TMEM50B: variants seen among roughly 807,000 people sequenced by gnomAD.
TMEM50B encodes the protein HCV p7-trans-regulated protein 3.
In TMEM50B, 14 loss-of-function variants were observed where a neutral mutation model predicts 23.4. That is an observed-to-expected ratio of 0.60 (90% CI 0.39 to 0.93). The LOEUF (loss-of-function observed/expected upper bound fraction) is 0.93, where lower values mean the gene tolerates loss of function less well. Ranked by LOEUF, TMEM50B falls within the 40% of genes least tolerant of loss-of-function variation. The pLI is 0.00. For missense variants in TMEM50B, 159 were observed against 193.0 expected, an observed-to-expected ratio of 0.82 and a Z score of 1.04; for synonymous variants, 64 against 62.3, an observed-to-expected ratio of 1.03 and a Z score of -0.13.
Position 33,451,016 on chromosome 21 carries a change from C to T in TMEM50B, c.432-153G>A, listed in dbSNP as rs531652388. Among the ~76,000 whole-genome samples the T allele has an allele frequency of 3.2e-4, 48 of 152,236 alleles. 1 individual carries two copies. In the South Asian group the frequency reaches 9.7e-3, roughly 31 times the overall value. The stretch of plus-strand genomic sequence containing the variant: ...TCATGGCAGTGTTGGTCTTAATTTG[C>T]TTATTTTGTAAAGCAGTCTGTTAAC... On this transcript the variant is annotated intron_variant, in intron 6 of 6. Transcript: ENST00000542230.
chr21:33,465,566 T>C (rs1368677537), intron 3 of TMEM50B, among the ~76,000 whole-genome samples, 157 bp from the exon 4 acceptor site: 2 of 152,254 alleles, frequency 1.3e-5, no homozygotes, highest in African/African-American at 2.4e-5. Flanking sequence ...TGCTAGTTGA[T>C]AGAAATGTTA....
chr21:33,446,791 T>C (rs112863191), downstream of TMEM50B, among the ~76,000 whole-genome samples: 1 of 151,804 alleles, frequency 6.6e-6, no homozygotes, highest in African/African-American at 2.4e-5. Context: ...GGAGGATCAC[T>C]TGAGCTCAGG....
rs1303386153 is a variant in TMEM50B at position 33,450,147 on chromosome 21, G to A, written c.*671C>T. On this transcript the variant is annotated 3_prime_UTR_variant, in exon 7 of 7. Coordinates refer to ENST00000542230, the MANE Select transcript of TMEM50B (RefSeq NM_006134.7). ...CTTTTATGGCTCAGTGCTCATTCTA[G>A]ATATATGAAGCTATATTTTTTTGTA... 1 of 152,010 alleles carries A rather than the reference G, an allele frequency of 6.6e-6. No individual in the cohort carries two copies. The highest frequency in any genetic ancestry group is 1.5e-5 in the Non-Finnish European group (1 of 68,010). The allele number at this position is 152,010 out of a possible 1,614,324, so 9.4% of individuals were successfully genotyped here.
intron 7 of TMEM50B, among the ~76,000 whole-genome samples, chr21:33,442,953 GCAC>G (rs1047398766): frequency 6.6e-6 from 1 of 151,558 alleles, no homozygotes; most frequent in Non-Finnish European, 1.5e-5. Context: ...AAAACAAAAA[GCAC>G]AACATATGAT....
intron 7 of TMEM50B, among the ~76,000 whole-genome samples, chr21:33,439,684 A>C (rs764728942): frequency 1.3e-4 from 19 of 151,592 alleles, no homozygotes; most frequent in Non-Finnish European, 2.8e-4. Context: ...CCAGCCTTAA[A>C]TAGTATTTTC....
intron 1 of TMEM50B, among the ~76,000 whole-genome samples, chr21:33,473,648 T>C (rs1175532270): frequency 2.3e-5 from 3 of 131,912 alleles, no homozygotes; most frequent in Non-Finnish European, 5.2e-5. Context: ...CAGTGAGACC[T>C]TGTCTCAAAA....
intron 5 of TMEM50B, among the ~76,000 whole-genome samples, chr21:33,457,377 C>T (rs946762855): frequency 4.0e-5 from 6 of 151,092 alleles, no homozygotes; most frequent in Admixed American, 1.3e-4. Flanking sequence ...TGGCTGGGAG[C>T]GGTGGTTCAT....
At chr21:33,460,545 C>T in intron 4 of TMEM50B, 40 bp from the exon 5 acceptor site, 1 of 1,340,790 alleles carries the variant, frequency 7.5e-7, no homozygotes, top group Non-Finnish European at 1.0e-6. Context: ...TTCATTTTTG[C>T]AGCTCTGTAA....
At chr21:33,446,655 C>CAAAAAAAAAAA (rs869154931), downstream of TMEM50B, among the ~76,000 whole-genome samples, 3 of 19,192 alleles carry the variant, frequency 1.6e-4, no homozygotes, top group African/African-American at 4.6e-4. Flanking sequence ...CACACACACA[C>CAAAAAAAAAAA]AAAAAAAAAA....
At chr21:33,469,094 G>A (rs1568985621) in intron 1 of TMEM50B, among the ~76,000 whole-genome samples, 168 bp from the exon 2 acceptor site, 1 of 152,056 alleles carries the variant, frequency 6.6e-6, no homozygotes, top group African/African-American at 2.4e-5. Context: ...ATGTATATAG[G>A]ACTACGCTAG....
At chr21:33,465,075 A>T (rs996192982) in intron 4 of TMEM50B, 7 of 340,718 alleles carry the variant, frequency 2.1e-5, no homozygotes, top group African/African-American at 1.5e-4. Context: ...TAATAAATCC[A>T]TCATTAGCAC....
At chr21:33,464,036 A>G (rs890184033) in intron 4 of TMEM50B, among the ~76,000 whole-genome samples, 12 of 152,274 alleles carry the variant, frequency 7.9e-5, no homozygotes, top group Non-Finnish European at 1.8e-4. Flanking sequence ...AAAGTGACCA[A>G]ATGGTTCTAG....
chr21:33,443,356 A>G (rs2123398630), intron 7 of TMEM50B, among the ~76,000 whole-genome samples: 1 of 147,876 alleles, frequency 6.8e-6, no homozygotes, highest in East Asian at 2.0e-4. Flanking sequence ...GCCCCATGCT[A>G]ACTACTAAAA....
chr21:33,445,448 A>G (rs181063330), downstream of TMEM50B, among the ~76,000 whole-genome samples: 523 of 152,394 alleles, frequency 3.4e-3, no homozygotes, highest in Non-Finnish European at 5.1e-3. Flanking sequence ...ATGGCATGCC[A>G]CCTTGTGGCA....
In TMEM50B at chr21:33,467,394, C is replaced by T. The variant is rs751803978; in HGVS notation, c.100-272G>A. Among the ~76,000 whole-genome samples, 186 of 152,198 alleles carry T rather than the reference C, an allele frequency of 1.2e-3. 4 individuals are homozygous for T. The highest frequency in any genetic ancestry group is 4.0e-4 in the Non-Finnish European group (27 of 68,044). ...ATCCCAGCACTTTGGGAGGCCAACA[C>T]GCGCAAATCACCTGAGGTCAGGAGT... On this transcript the variant is annotated intron_variant, in intron 2 of 6. Transcript: ENST00000542230.
chr21:33,464,780 G>GGAAAGA (rs2084249153), intron 4 of TMEM50B, among the ~76,000 whole-genome samples: 1 of 126,882 alleles, frequency 7.9e-6, no homozygotes. Context: ...CTCCAGCCTG[G>GGAAAGA]GAAAGAAGAG....
At position 33,432,888 on chromosome 21, in the gene TMEM50B, C is replaced by A. The variant is rs1386597042; in HGVS notation, c.*2121-86G>T. On this transcript the variant is annotated intron_variant and NMD_transcript_variant, in intron 8 of 8. Coordinates refer to the TMEM50B transcript ENST00000420455. Reference sequence around the variant, plus strand: ...ATAGAAGAGGTACGTGTGCACACATCTCTTTTTTTTTTTTTGAGACAGGGT... The same window carrying A: ...ATAGAAGAGGTACGTGTGCACACATATCTTTTTTTTTTTTTGAGACAGGGT... The A allele has an allele frequency of 9.7e-6, 13 of 1,341,426 alleles. No homozygotes were observed. The highest frequency in any genetic ancestry group is 1.5e-5 in the African/African-American group (1 of 67,534). 83.1% of individuals were successfully genotyped at this position (1,341,426 alleles called of 1,614,324 possible). A position where few individuals can be genotyped will look rare whatever the true frequency, so the allele number is the denominator to read the frequency against.
chr21:33,462,420 G>A (rs2834229), intron 4 of TMEM50B, among the ~76,000 whole-genome samples: 62,817 of 151,944 alleles, frequency 0.41, 15,051 homozygotes, highest in Non-Finnish European at 0.54. Flanking sequence ...TAAAAACGAC[G>A]GGCTTGGGAA....
chr21:33,436,095 C>T (rs948606768), intron 8 of TMEM50B, among the ~76,000 whole-genome samples: 3 of 151,610 alleles, frequency 2.0e-5, no homozygotes, highest in Non-Finnish European at 2.9e-5. Flanking sequence ...CAGTGGCTCA[C>T]ACCTGCAATC....
Sources: allele counts gnomAD v4.1 joint callset (sites outside exome capture counted in the v4.1 genomes callset), GRCh38; gene constraint gnomAD v4.1.1; transcripts MANE v1.5; gene names NCBI Gene and HGNC (gene_info 2026-07-23, HGNC 2026-07-21).